MDN1: variants seen among roughly 807,000 people sequenced by gnomAD.
The protein encoded by MDN1 is midasin.
MDN1 carries 266 observed loss-of-function variants against 669.2 expected under a neutral mutation model. The observed-to-expected ratio is 0.40, with a 90% CI of 0.36 to 0.44. The LOEUF (loss-of-function observed/expected upper bound fraction) is 0.44, where lower values mean the gene tolerates loss of function less well. Ranked by LOEUF, MDN1 falls within the 20% of genes least tolerant of loss-of-function variation. The pLI is 1.00. For synonymous variants in MDN1, 2,385 were observed against 2,457.1 expected (o/e 0.97, Z 0.87); for missense variants, 5,940 against 6,754.0 (o/e 0.88, Z 4.22).
Position 89,672,222 on chromosome 6 carries a change from T to C in MDN1, c.13772A>G (p.Asp4591Gly), listed in dbSNP as rs776786603. The change falls in exon 82 of 102, where the codon GAT (aspartate) becomes GGT (glycine). Residue 4591 changes from aspartate to glycine, a missense_variant. This residue lies in a region of MDN1 where 2,280 missense variants were observed against 2,576.3 expected (regional missense o/e 0.88). Coordinates refer to ENST00000369393, the MANE Select transcript of MDN1 (RefSeq NM_014611.3). The part of the protein sequence containing the change: ...LLERLKSYGE[D>G]GTAAKHLFFS... ...TACCAGGTGCTTTGCTGCTGTGCCATCCTCACCGTACGATTTCAGCCTCTC... is the reference window on the plus strand; with the variant it reads ...TACCAGGTGCTTTGCTGCTGTGCCACCCTCACCGTACGATTTCAGCCTCTC... The C allele has an allele frequency of 1.3e-6, 2 of 1,596,844 alleles. No homozygotes were observed. Among genetic ancestry groups the C allele is most frequent in the East Asian group, 2.2e-5 (1 of 44,698 alleles).
chr6:89,696,090 AT>A, intron 60 of MDN1, 98 bp from the exon 61 acceptor site: 1 of 1,442,142 alleles, frequency 6.9e-7, no homozygotes, highest in African/African-American at 1.4e-5. Context: ...TAACCACAGA[AT>A]GCAGCATCAA....
Position 89,688,609 on chromosome 6 carries a change from C to T in MDN1, c.11223G>A (p.Leu3741=), listed in dbSNP as rs1232112520. Residue 3741 remains leucine (L), a synonymous_variant, in exon 66 of 102, where the codon TTG becomes TTA. Coordinates refer to ENST00000369393, the MANE Select transcript of MDN1 (RefSeq NM_014611.3). ...LQGFSEAVSH[L]LQDWPEHPAL... ...CTGGGTGTTCTGGCCAGTCCTGTAGCAAGTGACTGACAGCCTCTGAGAAAC... is the reference window on the plus strand; with the variant it reads ...CTGGGTGTTCTGGCCAGTCCTGTAGTAAGTGACTGACAGCCTCTGAGAAAC... The T allele has an allele frequency of 5.6e-6, 9 of 1,614,076 alleles. No individual in the cohort carries two copies. Among genetic ancestry groups the T allele is most frequent in the Non-Finnish European group, 7.6e-6 (9 of 1,180,032 alleles).
intron 36 of MDN1, 135 bp downstream of exon 36, chr6:89,728,796 A>G: frequency 2.1e-6 from 2 of 967,064 alleles, no homozygotes; most frequent in Non-Finnish European, 3.0e-6. Context: ...CTGTCTCAAA[A>G]AAACAAAGAA....
chr6:89,715,612 G>T, intron 45 of MDN1, 41 bp downstream of exon 45: 3 of 1,213,594 alleles, frequency 2.5e-6, no homozygotes, highest in Admixed American at 1.7e-5. Context: ...TGCTACTGAG[G>T]CTGTCAGATT....
At chr6:89,808,059 T>C (rs1768128386) in intron 1 of MDN1, among the ~76,000 whole-genome samples, 1 of 152,092 alleles carries the variant, frequency 6.6e-6, no homozygotes, top group Non-Finnish European at 1.5e-5. Context: ...TGGCCTCAAG[T>C]GGTTCCTCTT....
Position 89,702,839 on chromosome 6 carries a change from C to T in MDN1, c.8149-778G>A, listed in dbSNP as rs1427218424. Among the ~76,000 whole-genome samples the T allele has an allele frequency of 2.4e-4, 36 of 151,982 alleles. 2 individuals carry two copies. The highest frequency in any genetic ancestry group is 2.3e-3 in the Admixed American group (35 of 15,244). ...ATATTTAGATTGTAAAGATCTTCTC[C>T]TACGTTTTCTTTTAGCCAGCTCATA... On this transcript the variant is annotated intron_variant, in intron 53 of 101. Transcript: ENST00000369393.
rs1252266476 is a variant in MDN1 at position 89,780,157 on chromosome 6, G to C, written c.1725+55C>G. 3.1e-6 allele frequency: 3 copies of C among 954,058 alleles called. 1 individual carries two copies. Among genetic ancestry groups the C allele is most frequent in the Non-Finnish European group, 4.7e-6 (3 of 635,866 alleles). 59.1% of individuals were successfully genotyped at this position (954,058 alleles called of 1,614,324 possible). On this transcript the variant is annotated intron_variant, in intron 11 of 101. Coordinates refer to ENST00000369393, the MANE Select transcript of MDN1 (RefSeq NM_014611.3). ...AATCAAAAGACAGAAAATAACAACGGAAGTCAACAGCCTTACAGAACCAAG... is the reference window on the plus strand; with the variant it reads ...AATCAAAAGACAGAAAATAACAACGCAAGTCAACAGCCTTACAGAACCAAG...
intron 2 of MDN1, among the ~76,000 whole-genome samples, chr6:89,796,341 A>AAACAAAAAAAAAAAAAAAAAAAAAC (rs145094723): frequency 1.8e-5 from 2 of 110,218 alleles, no homozygotes; most frequent in Non-Finnish European, 3.5e-5. Flanking sequence ...AAAAAAAAAA[A>AAACAAAAAAAAAAAAAAAAAAAAAC]AAAAAAAAAC....
rs1310755931 is a variant in MDN1, at chr6:89,680,711, C to T, written c.12143G>A (p.Gly4048Asp). The change falls in exon 74 of 102, where the codon GGC becomes GAC. Residue 4048 changes from glycine to aspartate, a missense_variant. Around this residue, in one of 5 missense-constraint regions of MDN1, gnomAD observed 2,280 missense variants for 2,576.3 expected, o/e 0.88. Transcript: ENST00000369393. ...PEWCQGAAPS[G>D]LEGELLRRLP... ...GCGACGCAGAAGCTCCCCTTCCAAG[C>T]CGGAAGGAGCAGCGCCCTGACACCA... 1.2e-6 allele frequency: 2 copies of T among 1,614,026 alleles called. No individual in the cohort carries two copies. The highest frequency in any genetic ancestry group is 1.3e-5 in the African/African-American group (1 of 74,926).
rs1818965088 is a variant in MDN1, at chr6:89,786,482, CT to C, written c.1335-1357del. On this transcript the variant is annotated intron_variant, in intron 8 of 101. Transcript: ENST00000369393. Reference sequence around the variant, plus strand: ...TTTAGCCAGGCATGGTGGTGTACCCCTGTAGTCCTAGCTACTCAAGAGGCTG... The same window carrying C: ...TTTAGCCAGGCATGGTGGTGTACCCCGTAGTCCTAGCTACTCAAGAGGCTG... Among the ~76,000 whole-genome samples the C allele has an allele frequency of 3.3e-5, 5 of 151,902 alleles. No individual in the cohort carries two copies. In the South Asian group the frequency reaches 1.0e-3, roughly 32 times the overall value.
intron 1 of MDN1, chr6:89,814,770 T>C: frequency 4.8e-6 from 2 of 417,554 alleles, no homozygotes; most frequent in Non-Finnish European, 9.5e-6. Context: ...CGGCAGCCTA[T>C]GGTTAGCCAT....
intron 19 of MDN1, among the ~76,000 whole-genome samples, chr6:89,757,350 C>A (rs1343540386): frequency 1.3e-5 from 2 of 152,104 alleles, no homozygotes; most frequent in Admixed American, 1.3e-4. Context: ...CTAAAATATG[C>A]GTATACTGGT....
In MDN1 at chr6:89,710,716, C is replaced by G; in HGVS notation, c.7730G>C (p.Ser2577Thr). 2 of 1,598,522 alleles carry G rather than the reference C, an allele frequency of 1.3e-6. No homozygotes were observed. The highest frequency in any genetic ancestry group is 8.5e-7 in the Non-Finnish European group (1 of 1,174,438). Residue 2577 changes from serine (S) to threonine (T), a missense_variant, in exon 50 of 102, where the codon AGT becomes ACT. Ser to Thr is a moderately conservative substitution (Grantham distance 58). Around this residue, in one of 5 missense-constraint regions of MDN1, gnomAD observed 2,292 missense variants for 2,638.3 expected, o/e 0.87. Coordinates refer to ENST00000369393, the MANE Select transcript of MDN1 (RefSeq NM_014611.3). ...FYSHSLSGAVSNVFKILQPNT... is the reference protein window; with the variant it reads ...FYSHSLSGAVTNVFKILQPNT... The stretch of plus-strand genomic sequence containing the variant: ...TGGTTGTAATATTTTGAAAACATTA[C>G]TGACTGCACCTGAGAGGGAATGTGA...
At position 89,692,631 on chromosome 6, in the gene MDN1, C is replaced by A. The variant is rs140995255; in HGVS notation, c.10399G>T (p.Val3467Phe). The change falls in exon 63 of 102, where the codon GTT becomes TTT. Residue 3467 changes from valine to phenylalanine, a missense_variant. Transcript: ENST00000369393. ...DTLCSVKSEE[V>F]LRGLGKLILK... ...ATTAGCTTCCCAAGGCCTCGTAGAACCTCCTCAGACTTCACCGAGCACAAA... is the reference window on the plus strand; with the variant it reads ...ATTAGCTTCCCAAGGCCTCGTAGAAACTCCTCAGACTTCACCGAGCACAAA... The A allele has an allele frequency of 3.1e-6, 5 of 1,614,130 alleles. No individual in the cohort carries two copies. Among genetic ancestry groups the A allele is most frequent in the African/African-American group, 1.3e-5 (1 of 74,948 alleles).
At chr6:89,706,218 G>A in intron 52 of MDN1, 26 bp from the exon 53 acceptor site, 1 of 1,593,986 alleles carries the variant, frequency 6.3e-7, no homozygotes, top group Non-Finnish European at 8.6e-7. Context: ...AATAAAATGA[G>A]AACATTTCAT....
chr6:89,648,046 T>C lies in MDN1; in HGVS notation c.16381A>G (p.Thr5461Ala). Reference sequence around the variant, plus strand: ...CATCCTCTTACCTGAGCAATCTTGGTTTTCTTTTGTTGGAATTTGCAGAGA... The same window carrying C: ...CATCCTCTTACCTGAGCAATCTTGGCTTTCTTTTGTTGGAATTTGCAGAGA... ...LRLCKFQQKK[T>A]KIAQFLESVA... Residue 5461 changes from threonine to alanine, a missense_variant, in exon 99 of 102, where the codon ACC becomes GCC. By Grantham distance (58) the Thr-to-Ala change is moderately conservative. This residue lies in a region of MDN1 where 2,280 missense variants were observed against 2,576.3 expected (regional missense o/e 0.88). Transcript: ENST00000369393. The C allele has an allele frequency of 6.2e-7, 1 of 1,613,226 alleles. No homozygotes were observed. The highest frequency in any genetic ancestry group is 8.5e-7 in the Non-Finnish European group (1 of 1,179,150).
intron 26 of MDN1, among the ~76,000 whole-genome samples, chr6:89,748,656 A>G (rs1816789584): frequency 6.6e-6 from 1 of 152,104 alleles, no homozygotes; most frequent in African/African-American, 2.4e-5. Context: ...TATTATACAC[A>G]AATACAAAAT....
chr6:89,665,224 T>C (rs1325894810), intron 84 of MDN1, among the ~76,000 whole-genome samples: 1 of 152,024 alleles, frequency 6.6e-6, no homozygotes, highest in Non-Finnish European at 1.5e-5. Context: ...GACGTGGCCT[T>C]GCAATGTTGC....
rs1168606501 is a variant in MDN1 at position 89,670,139 on chromosome 6, C to CATAT, written c.13956+776_13956+779dup. 2.5e-3 allele frequency among the ~76,000 whole-genome samples: 123 copies of CATAT among 48,902 alleles called. 2 individuals are homozygous for CATAT. Among genetic ancestry groups the CATAT allele is most frequent in the African/African-American group, 5.0e-3 (38 of 7,532 alleles). 32.1% of individuals were successfully genotyped at this position (48,902 alleles called of 152,430 possible). A position where few individuals can be genotyped will look rare whatever the true frequency, so the allele number is the denominator to read the frequency against. Reference sequence around the variant, plus strand: ...TTTGGAGACTCTGTCTCCAAAAAAACATATATATATATATATATATATATA... The same window carrying CATAT: ...TTTGGAGACTCTGTCTCCAAAAAAACATATATATATATATATATATATATATATA... On this transcript the variant is annotated intron_variant, in intron 83 of 101. Coordinates refer to ENST00000369393, the MANE Select transcript of MDN1 (RefSeq NM_014611.3).
Sources: allele counts gnomAD v4.1 joint callset (sites outside exome capture counted in the v4.1 genomes callset), GRCh38; gene constraint gnomAD v4.1.1; regional missense constraint gnomAD v4.1.1; transcripts MANE v1.5; gene names NCBI Gene and HGNC (gene_info 2026-07-23, HGNC 2026-07-21).